Variants in VTI1A observed in about 807,000 individuals in gnomAD.
VTI1A encodes the protein vesicle transport through interaction with t-SNAREs 1A, also known as vesicle transport through interaction with t-SNAREs homolog 1A.
VTI1A carries 22 observed loss-of-function variants against 34.9 expected under a neutral mutation model. That is an observed-to-expected ratio of 0.63 (90% confidence interval 0.45 to 0.90). The LOEUF (loss-of-function observed/expected upper bound fraction) is 0.90, where lower values mean the gene tolerates loss of function less well. Ranked by LOEUF, VTI1A falls within the 40% of genes least tolerant of loss-of-function variation. The probability of loss-of-function intolerance (pLI) is 0.00; values close to 1 mark genes in which losing one functional copy is unlikely to be tolerated. For synonymous variants in VTI1A, 87 were observed against 97.3 expected (o/e 0.89, Z 0.62); for missense variants, 268 against 275.6 (o/e 0.97, Z 0.20).
chr10:112,528,898 A>C (rs1008708405), intron 4 of VTI1A, among the ~76,000 whole-genome samples: 1 of 152,124 alleles, frequency 6.6e-6, no homozygotes, highest in African/African-American at 2.4e-5. Context: ...CACTTCTCTT[A>C]ATGGACATTT....
At chr10:112,697,865 C>CGTGTGTGTGTGTGTGTGTGTGTGTGT (rs762339605) in intron 7 of VTI1A, among the ~76,000 whole-genome samples, 2 of 126,112 alleles carry the variant, frequency 1.6e-5, no homozygotes, top group Non-Finnish European at 3.4e-5. Flanking sequence ...TTAGCATTTA[C>CGTGTGTGTGTGTGTGTGTGTGTGTGT]ATGTGTGTGT....
At chr10:112,740,923 C>T (rs574265032) in intron 7 of VTI1A, among the ~76,000 whole-genome samples, 1 of 152,226 alleles carries the variant, frequency 6.6e-6, no homozygotes, top group East Asian at 1.9e-4. Flanking sequence ...AGAAGCAACC[C>T]AAATGTCCAG....
chr10:112,538,138 AC>A (rs879933472), intron 4 of VTI1A, 107 bp from the exon 5 acceptor site: 8 of 853,150 alleles, frequency 9.4e-6, no homozygotes, highest in African/African-American at 5.2e-5. Flanking sequence ...TGGGTTGCGA[AC>A]CCCCCCACCC....
chr10:112,595,357 C>A lies in VTI1A; in HGVS notation c.427+57027C>A, dbSNP rs893613958. Among the ~76,000 whole-genome samples, 27 of 150,424 alleles carry A rather than the reference C, an allele frequency of 1.8e-4. No homozygotes were observed. The East Asian group carries it at 5.2e-3, about 29-fold the overall frequency. On this transcript the variant is annotated intron_variant, in intron 5 of 7. Coordinates refer to ENST00000393077, the MANE Select transcript of VTI1A (RefSeq NM_145206.4). ...GCTTCTGCACAGCAAAAGAAACTACCATCAGAGTGAACAGGCAACCTACAA... is the reference window on the plus strand; with the variant it reads ...GCTTCTGCACAGCAAAAGAAACTACAATCAGAGTGAACAGGCAACCTACAA...
At chr10:112,759,395 TCCTC>T (rs1332744914) in intron 7 of VTI1A, among the ~76,000 whole-genome samples, 4 of 152,158 alleles carry the variant, frequency 2.6e-5, no homozygotes, top group Admixed American at 6.5e-5. Flanking sequence ...TGGATCACTT[TCCTC>T]CCACTGTTGA....
At chr10:112,822,739 C>G (rs560533839), downstream of VTI1A, among the ~76,000 whole-genome samples, 1 of 152,320 alleles carries the variant, frequency 6.6e-6, no homozygotes, top group South Asian at 2.1e-4. Context: ...AACTAGAGGG[C>G]TTCACTGAGC....
At chr10:112,472,337 A>G (rs1050254288) in intron 3 of VTI1A, among the ~76,000 whole-genome samples, 11 of 152,212 alleles carry the variant, frequency 7.2e-5, no homozygotes, top group Admixed American at 6.5e-4. Context: ...TTCTATTGAC[A>G]GTCTCAGCAG....
intron 7 of VTI1A, among the ~76,000 whole-genome samples, chr10:112,734,927 C>T (rs779684236): frequency 3.5e-4 from 53 of 152,032 alleles, no homozygotes; most frequent in Admixed American, 5.9e-4. Context: ...CAACTGCGCC[C>T]AGCCCTCAAT....
Position 112,640,535 on chromosome 10 carries a change from G to GA in VTI1A, c.428-27683_428-27682insA, listed in dbSNP as rs1334331993. 6.8e-3 allele frequency among the ~76,000 whole-genome samples: 995 copies of GA among 146,962 alleles called. 18 individuals carry two copies. The highest frequency in any genetic ancestry group is 0.024 in the African/African-American group (939 of 39,942). On this transcript the variant is annotated intron_variant, in intron 5 of 7. Transcript: ENST00000393077. Reference sequence around the variant, plus strand: ...GGGTAAGGAGGATCTCAACAATCTGGGAAAAAAAACAAACAACAACAACAA... The same window carrying GA: ...GGGTAAGGAGGATCTCAACAATCTGGAGAAAAAAAACAAACAACAACAACAA...
At chr10:112,852,634 G>A in the VTI1A span, among the ~76,000 whole-genome samples, 1 of 152,314 alleles carries the variant, frequency 6.6e-6, no homozygotes, top group East Asian at 1.9e-4. Flanking sequence ...GTGACCAATG[G>A]ATGTCTATGG....
intron 3 of VTI1A, among the ~76,000 whole-genome samples, chr10:112,507,929 CTT>C (rs764737747): frequency 8.5e-5 from 13 of 152,142 alleles, no homozygotes; most frequent in Non-Finnish European, 1.3e-4. Context: ...GCTCTCTTCT[CTT>C]TAAGAAAAAG....
chr10:112,513,067 G>T (rs903563489), intron 3 of VTI1A, among the ~76,000 whole-genome samples: 10 of 151,922 alleles, frequency 6.6e-5, no homozygotes, highest in African/African-American at 2.2e-4. Flanking sequence ...TTTAAATTCT[G>T]TGAAGACTGA....
At chr10:112,648,912 C>A (rs1161208523) in intron 5 of VTI1A, among the ~76,000 whole-genome samples, 1 of 151,974 alleles carries the variant, frequency 6.6e-6, no homozygotes, top group Non-Finnish European at 1.5e-5. Context: ...TAAATAATTT[C>A]TTTACTCATC....
intron 7 of VTI1A, among the ~76,000 whole-genome samples, chr10:112,797,289 A>G (rs1435421972): frequency 6.6e-6 from 1 of 152,186 alleles, no homozygotes; most frequent in South Asian, 2.1e-4. Flanking sequence ...AAATATATAC[A>G]GAGAGAAATA....
downstream of VTI1A, among the ~76,000 whole-genome samples, chr10:112,822,076 C>G (rs1008919815): frequency 2.6e-5 from 4 of 152,178 alleles, no homozygotes; most frequent in African/African-American, 4.8e-5. Flanking sequence ...GTTGTCTGAC[C>G]CTTTCCTGGG....
intron 7 of VTI1A, among the ~76,000 whole-genome samples, chr10:112,732,191 A>C (rs1489741313): frequency 6.6e-6 from 1 of 152,212 alleles, no homozygotes; most frequent in Non-Finnish European, 1.5e-5. Flanking sequence ...CTTTGTGAGA[A>C]GGCATCTAGC....
chr10:112,563,958 T>C (rs1217177405), intron 5 of VTI1A, among the ~76,000 whole-genome samples: 4 of 152,156 alleles, frequency 2.6e-5, no homozygotes, highest in Admixed American at 2.6e-4. Flanking sequence ...GCTTTGTAAA[T>C]TGACAGTGCA....
intron 5 of VTI1A, among the ~76,000 whole-genome samples, chr10:112,627,619 A>G (rs1204499642): frequency 6.6e-6 from 1 of 152,104 alleles, no homozygotes; most frequent in African/African-American, 2.4e-5. Context: ...GTATCTAAGT[A>G]CGTTTATATG....
the VTI1A span, among the ~76,000 whole-genome samples, chr10:112,853,201 AGCTCACTATTTC>A: frequency 6.6e-6 from 1 of 152,186 alleles, no homozygotes; most frequent in Non-Finnish European, 1.5e-5. Context: ...GACAAGTTAA[AGCTCACTATTTC>A]GCCTGCAATC....
Sources: allele counts gnomAD v4.1 joint callset (sites outside exome capture counted in the v4.1 genomes callset), GRCh38; gene constraint gnomAD v4.1.1; transcripts MANE v1.5; gene names NCBI Gene and HGNC (gene_info 2026-07-23, HGNC 2026-07-21).